Variants in ZRANB3 observed in about 807,000 individuals in gnomAD.
ZRANB3 encodes zinc finger RANBP2-type containing 3.
In ZRANB3, 125 loss-of-function variants were observed where a neutral mutation model predicts 133.8. The observed-to-expected ratio is 0.93, with a 90% confidence interval of 0.81 to 1.08. The LOEUF is 1.08. ZRANB3 is among the 50% of genes least tolerant of loss of function. ZRANB3 has a pLI of 0.00. For synonymous variants in ZRANB3, 387 were observed against 432.7 expected (o/e 0.89, Z 1.31); for missense variants, 1,229 against 1,275.5 (o/e 0.96, Z 0.56).
At chr2:135,402,077 T>G (rs1201088043) in intron 2 of ZRANB3, among the ~76,000 whole-genome samples, 1 of 151,928 alleles carries the variant, frequency 6.6e-6, no homozygotes, top group African/African-American at 2.4e-5. Context: ...ATATGAAATT[T>G]TTTAACCTAG....
chr2:135,222,524 A>G (rs901234989), intron 15 of ZRANB3, among the ~76,000 whole-genome samples: 4 of 152,138 alleles, frequency 2.6e-5, no homozygotes, highest in African/African-American at 4.8e-5. Context: ...TTTTCATACT[A>G]ATAGTAAGAT....
chr2:135,289,685 T>C (rs968005343), intron 8 of ZRANB3, among the ~76,000 whole-genome samples: 1 of 152,170 alleles, frequency 6.6e-6, no homozygotes, highest in African/African-American at 2.4e-5. Context: ...GGTGGATCAC[T>C]TGAGGACCAA....
chr2:135,404,469 A>G (rs890190406), intron 2 of ZRANB3, among the ~76,000 whole-genome samples: 6 of 152,208 alleles, frequency 3.9e-5, no homozygotes, highest in African/African-American at 1.4e-4. Context: ...CCAAATCTAC[A>G]TCTGATTGGT....
At chr2:135,311,931 G>A (rs1232323508) in intron 8 of ZRANB3, among the ~76,000 whole-genome samples, 1 of 152,070 alleles carries the variant, frequency 6.6e-6, no homozygotes, top group Non-Finnish European at 1.5e-5. Flanking sequence ...TCTGGAAAGT[G>A]TAAAACTATA....
chr2:135,524,140 G>A (rs1574254269), intron 1 of ZRANB3, among the ~76,000 whole-genome samples: 1 of 151,784 alleles, frequency 6.6e-6, no homozygotes, highest in East Asian at 1.9e-4. Context: ...AGGCTGGAGT[G>A]CAATGGCACA....
At chr2:135,490,167 G>A (rs1371807308) in intron 2 of ZRANB3, among the ~76,000 whole-genome samples, 1 of 152,106 alleles carries the variant, frequency 6.6e-6, no homozygotes, top group Non-Finnish European at 1.5e-5. Flanking sequence ...AAATAAAGTG[G>A]GCCTGAGGAA....
chr2:135,524,877 T>C (rs1344827231), intron 1 of ZRANB3, among the ~76,000 whole-genome samples: 2 of 152,120 alleles, frequency 1.3e-5, no homozygotes, highest in Admixed American at 6.5e-5. Flanking sequence ...AAAAGATTAA[T>C]CTTTATTTTG....
intron 2 of ZRANB3, among the ~76,000 whole-genome samples, chr2:135,393,673 T>C (rs868310217): frequency 2.6e-5 from 4 of 152,072 alleles, no homozygotes; most frequent in African/African-American, 9.7e-5. Context: ...AAGACAAATA[T>C]CTATTATACC....
chr2:135,333,622 T>C (rs772527762), intron 6 of ZRANB3, among the ~76,000 whole-genome samples: 4 of 152,196 alleles, frequency 2.6e-5, no homozygotes, highest in East Asian at 1.9e-4. Context: ...TTTTACATTA[T>C]AGGGACTAGG....
At chr2:135,415,680 T>C (rs1341090523) in intron 2 of ZRANB3, among the ~76,000 whole-genome samples, 1 of 152,142 alleles carries the variant, frequency 6.6e-6, no homozygotes, top group Non-Finnish European at 1.5e-5. Flanking sequence ...ACCAATATCC[T>C]TGATGAACAT....
chr2:135,382,239 A>G (rs982042293), intron 3 of ZRANB3, among the ~76,000 whole-genome samples: 4 of 152,224 alleles, frequency 2.6e-5, no homozygotes, highest in African/African-American at 9.6e-5. Context: ...AAGAAAGGGT[A>G]TCAGTGATGG....
At chr2:135,220,854 A>ATTTTTTTTTTTTTTTT (rs199874707) in intron 15 of ZRANB3, among the ~76,000 whole-genome samples, 1 of 144,892 alleles carries the variant, frequency 6.9e-6, no homozygotes. Flanking sequence ...TGAACTAGGA[A>ATTTTTTTTTTTTTTTT]TTTATTTTTT....
At chr2:135,355,049 T>A (rs1249855859) in intron 3 of ZRANB3, among the ~76,000 whole-genome samples, 1 of 152,078 alleles carries the variant, frequency 6.6e-6, no homozygotes, top group African/African-American at 2.4e-5. Flanking sequence ...AACAAAGAGT[T>A]TAAAAATGAA....
Position 135,200,405 on chromosome 2 carries a change from C to T in ZRANB3, c.3177G>A (p.Val1059=). The T allele has an allele frequency of 1.9e-6, 3 of 1,607,572 alleles. No individual in the cohort carries two copies. The highest frequency in any genetic ancestry group is 2.5e-6 in the Non-Finnish European group (3 of 1,176,788). Residue 1059 remains valine (V), a synonymous_variant, in exon 21 of 21, where the codon GTG becomes GTA. Transcript: ENST00000264159. The part of the protein sequence containing the change: ...TARQAKERSQ[V]RRQSLASKHG... ...GCTTTGATGCTAGAGATTGTCTTCT[C>T]ACCTGGCTTCTTTCCTTAGCTTGTC...
At chr2:135,217,222 T>C (rs1694347842) in intron 17 of ZRANB3, among the ~76,000 whole-genome samples, 1 of 152,218 alleles carries the variant, frequency 6.6e-6, no homozygotes, top group South Asian at 2.1e-4. Flanking sequence ...CTGGTCTTTT[T>C]GTTGATTGAT....
intron 18 of ZRANB3, 31 bp downstream of exon 18, chr2:135,208,837 C>G: frequency 6.5e-7 from 1 of 1,547,912 alleles, no homozygotes; most frequent in Non-Finnish European, 8.9e-7. Flanking sequence ...GGAATTAGTA[C>G]TACTATATAC....
chr2:135,505,342 G>A (rs752113414), intron 1 of ZRANB3, among the ~76,000 whole-genome samples: 4 of 152,140 alleles, frequency 2.6e-5, no homozygotes, highest in South Asian at 2.1e-4. Context: ...CTGGGAGGCC[G>A]AGGTGGGTGG....
rs771882878 is a variant in ZRANB3, at chr2:135,353,440, T to C, written c.359+10A>G. ...ACTTTTCTCCTTAAATATTAAACAG[T>C]TGTTCTTACCTAACATCAGTTTTAT... is the stretch of plus-strand genomic sequence containing the variant. On this transcript the variant is annotated intron_variant, in intron 4 of 20. Transcript: ENST00000264159. 3.2e-5 allele frequency: 50 copies of C among 1,555,884 alleles called. No individual in the cohort carries two copies. Among genetic ancestry groups the C allele is most frequent in the Admixed American group, 5.8e-5 (3 of 51,394 alleles).
intron 6 of ZRANB3, among the ~76,000 whole-genome samples, chr2:135,335,462 G>C (rs1445831657): frequency 6.6e-6 from 1 of 152,072 alleles, no homozygotes; most frequent in African/African-American, 2.4e-5. Flanking sequence ...GGAAGCTGAG[G>C]TGGGCAGATG....
Sources: allele counts gnomAD v4.1 joint callset (sites outside exome capture counted in the v4.1 genomes callset), GRCh38; gene constraint gnomAD v4.1.1; transcripts MANE v1.5; gene names NCBI Gene and HGNC (gene_info 2026-07-23, HGNC 2026-07-21).